ERBB4: variants seen among roughly 807,000 people sequenced by gnomAD.
ERBB4 encodes erb-b2 receptor tyrosine kinase 4.
In ERBB4, 42 loss-of-function variants were observed where a neutral mutation model predicts 158.0. The observed-to-expected ratio is 0.27, with a 90% CI of 0.21 to 0.34. The LOEUF (loss-of-function observed/expected upper bound fraction) is 0.34. ERBB4 is among the 10% of genes least tolerant of loss of function. ERBB4 has a pLI of 1.00. For missense variants in ERBB4, 1,333 were observed against 1,624.1 expected (o/e 0.82, Z 3.08); for synonymous variants, 583 against 558.7 (o/e 1.04, Z -0.61).
intron 20 of ERBB4, among the ~76,000 whole-genome samples, chr2:211,561,389 T>G (rs2067387640): frequency 6.6e-6 from 1 of 152,192 alleles, no homozygotes; most frequent in South Asian, 2.1e-4. Context: ...CCCTTATATA[T>G]GTGACATGCC....
In ERBB4 at chr2:212,073,638, A is replaced by G. The variant is rs147930219; in HGVS notation, c.234+51114T>C. Among the ~76,000 whole-genome samples, 10 of 152,136 alleles carry G rather than the reference A, an allele frequency of 6.6e-5. No individual in the cohort carries two copies. In the East Asian group the frequency reaches 1.7e-3, roughly 27 times the overall value. ...AGAAAACCAGGAGTCTTCTTGATGC[A>G]GTGCACACAGGAAAATTTCTTGGTG... On this transcript the variant is annotated intron_variant, in intron 2 of 27. Transcript: ENST00000342788.
At chr2:212,494,146 G>A (rs1359970151) in intron 1 of ERBB4, among the ~76,000 whole-genome samples, 1 of 151,850 alleles carries the variant, frequency 6.6e-6, no homozygotes, top group Admixed American at 6.6e-5. Context: ...GAAAAAATTA[G>A]TAATACAGAT....
intron 19 of ERBB4, among the ~76,000 whole-genome samples, chr2:211,589,760 A>G (rs565470819): frequency 2.0e-5 from 3 of 152,174 alleles, no homozygotes; most frequent in Non-Finnish European, 4.4e-5. Context: ...ATCATTAACT[A>G]TAAAAAAAAC....
At chr2:211,853,060 C>T in intron 3 of ERBB4, among the ~76,000 whole-genome samples, 1 of 151,922 alleles carries the variant, frequency 6.6e-6, no homozygotes, top group East Asian at 1.9e-4. Context: ...GCTGTCATCC[C>T]TTTCTGTGCT....
chr2:211,393,189 G>A (rs1236231504), intron 25 of ERBB4, among the ~76,000 whole-genome samples: 1 of 152,070 alleles, frequency 6.6e-6, no homozygotes, highest in Non-Finnish European at 1.5e-5. Flanking sequence ...GTGTTTCATA[G>A]ATGAATACAT....
intron 2 of ERBB4, among the ~76,000 whole-genome samples, chr2:212,022,560 GA>G (rs1187592078): frequency 6.6e-6 from 1 of 151,930 alleles, no homozygotes; most frequent in East Asian, 1.9e-4. Context: ...AGAGCATCAG[GA>G]AAAAGAGCTA....
intron 14 of ERBB4, 58 bp downstream of exon 14, chr2:211,673,106 C>G: frequency 1.6e-6 from 2 of 1,240,970 alleles, no homozygotes; most frequent in Non-Finnish European, 2.4e-6. Context: ...AAAATAATAA[C>G]AAACATTCAT....
At chr2:212,530,258 T>C (rs1692681617) in intron 1 of ERBB4, among the ~76,000 whole-genome samples, 1 of 152,152 alleles carries the variant, frequency 6.6e-6, no homozygotes, top group Non-Finnish European at 1.5e-5. Flanking sequence ...ACCTATGCAG[T>C]CAACTTTCCT....
chr2:211,757,753 GT>G (rs1290962753), intron 4 of ERBB4, among the ~76,000 whole-genome samples: 1 of 152,190 alleles, frequency 6.6e-6, no homozygotes, highest in East Asian at 1.9e-4. Context: ...CACAAAAGTT[GT>G]GCAAAGGCTT....
intron 1 of ERBB4, among the ~76,000 whole-genome samples, chr2:212,378,707 G>A (rs73060357): frequency 0.024 from 3,622 of 151,546 alleles, 137 homozygotes; most frequent in African/African-American, 0.082. Context: ...CTGAAGTTTG[G>A]TCACTATTAA....
intron 1 of ERBB4, among the ~76,000 whole-genome samples, chr2:212,295,091 C>T (rs1332483651): frequency 1.3e-5 from 2 of 152,058 alleles, no homozygotes; most frequent in Admixed American, 6.6e-5. Context: ...ATTGGCAGAG[C>T]AGAAACAGAG....
chr2:212,316,926 G>A (rs752571579), intron 1 of ERBB4, among the ~76,000 whole-genome samples: 2 of 151,460 alleles, frequency 1.3e-5, no homozygotes, highest in Non-Finnish European at 3.0e-5. Flanking sequence ...TCTATTTTAT[G>A]TACTCAGCTG....
intron 25 of ERBB4, among the ~76,000 whole-genome samples, chr2:211,413,716 C>T (rs532741983): frequency 2.6e-5 from 4 of 151,844 alleles, no homozygotes; most frequent in South Asian, 2.1e-4. Flanking sequence ...TGCATAGAGG[C>T]GATGCAGGAT....
At chr2:211,734,559 T>C (rs2074538501) in intron 5 of ERBB4, among the ~76,000 whole-genome samples, 1 of 145,346 alleles carries the variant, frequency 6.9e-6, no homozygotes, top group Non-Finnish European at 1.5e-5. Context: ...AAATGTCCAC[T>C]AATGAGGAAT....
intron 1 of ERBB4, among the ~76,000 whole-genome samples, chr2:212,187,975 T>G (rs1559690373): frequency 1.3e-5 from 2 of 152,162 alleles, no homozygotes; most frequent in South Asian, 4.1e-4. Flanking sequence ...ACTTCAATCC[T>G]ATAATATTAT....
chr2:211,428,145 C>G (rs1460836028), intron 22 of ERBB4, among the ~76,000 whole-genome samples: 1 of 151,778 alleles, frequency 6.6e-6, no homozygotes, highest in Non-Finnish European at 1.5e-5. Flanking sequence ...ATAGGTACAG[C>G]AAACCACCAT....
chr2:211,772,296 A>G (rs2075711176), intron 4 of ERBB4, among the ~76,000 whole-genome samples: 1 of 152,190 alleles, frequency 6.6e-6, no homozygotes, highest in East Asian at 1.9e-4. Flanking sequence ...CGGCACTGAC[A>G]TATGGTATAA....
At chr2:212,261,180 C>A (rs1414140789) in intron 1 of ERBB4, among the ~76,000 whole-genome samples, 1 of 152,138 alleles carries the variant, frequency 6.6e-6, no homozygotes, top group Admixed American at 6.5e-5. Context: ...ATCAAAATAT[C>A]TGGAACATTT....
At chr2:212,276,827 A>C (rs1415877179) in intron 1 of ERBB4, among the ~76,000 whole-genome samples, 1 of 151,810 alleles carries the variant, frequency 6.6e-6, no homozygotes, top group East Asian at 1.9e-4. Flanking sequence ...AATTCCTTAG[A>C]AAAGCTATGT....
Sources: gnomAD v4.1 joint callset for allele counts (sites outside exome capture counted in the v4.1 genomes callset) on GRCh38, gnomAD v4.1.1 for gene constraint, MANE v1.5 for transcripts, NCBI Gene and HGNC (gene_info 2026-07-23, HGNC 2026-07-21) for gene names.